The following CRACDL variants were observed in gnomAD, a reference collection of about 807,000 sequenced individuals.
The protein encoded by CRACDL is CRACD like, also known as CRACD-like protein.
In CRACDL, 26 loss-of-function variants were observed where a neutral mutation model predicts 70.6. The ratio of observed to expected loss-of-function variants is 0.37; its 90% CI spans 0.27 to 0.51. CRACDL has a LOEUF of 0.51. CRACDL is among the 20% of genes least tolerant of loss of function. The pLI, the probability that CRACDL is intolerant of heterozygous loss-of-function variation, is 0.94. For missense variants in CRACDL, 1,283 were observed against 1,376.9 expected (o/e 0.93, Z 1.08); for synonymous variants, 618 against 615.2 (o/e 1.00, Z -0.07).
intron 1 of CRACDL, among the ~76,000 whole-genome samples, chr2:98,857,822 T>C (rs1033613868): frequency 2.6e-5 from 4 of 152,136 alleles, no homozygotes; most frequent in African/African-American, 7.2e-5. Flanking sequence ...AGACCAAAGA[T>C]GTGTGTATGT....
chr2:98,912,627 C>T (rs1708571147), intron 1 of CRACDL: 1 of 152,372 alleles, frequency 6.6e-6, no homozygotes, highest in Admixed American at 6.5e-5. Flanking sequence ...AGGGTGCTGA[C>T]TCTCAGCCCC....
chr2:98,794,809 T>C (rs559608100), intron 9 of CRACDL, 138 bp from the exon 10 acceptor site: 10 of 642,552 alleles, frequency 1.6e-5, no homozygotes, highest in South Asian at 2.5e-5. Flanking sequence ...TATGTCAACA[T>C]GTAAGGAAGA....
At chr2:98,838,434 A>G (rs1336067741) in intron 2 of CRACDL, 147 bp from the exon 3 acceptor site, 3 of 515,834 alleles carry the variant, frequency 5.8e-6, no homozygotes, top group African/African-American at 3.9e-5. Flanking sequence ...TTACTTCGCA[A>G]AAGTACATGG....
At chr2:98,921,429 G>C (rs1708800071) in intron 1 of CRACDL, among the ~76,000 whole-genome samples, 1 of 152,266 alleles carries the variant, frequency 6.6e-6, no homozygotes, top group African/African-American at 2.4e-5. Context: ...CCCAGAGGCA[G>C]GCCTTGGGCT....
chr2:98,890,502 T>C (rs1707933633), intron 1 of CRACDL, among the ~76,000 whole-genome samples: 1 of 152,208 alleles, frequency 6.6e-6, no homozygotes, highest in Non-Finnish European at 1.5e-5. Flanking sequence ...ATTAAGACTT[T>C]TAAAACTTCC....
intron 7 of CRACDL, among the ~76,000 whole-genome samples, chr2:98,813,426 C>CT (rs938098668): frequency 2.0e-5 from 3 of 151,952 alleles, no homozygotes; most frequent in South Asian, 4.1e-4. Context: ...GAGCAAGACT[C>CT]TGTCTTAAAA....
rs1267916831 is a variant in CRACDL at position 98,822,317 on chromosome 2, C to T, written c.1956G>A (p.Lys652=). Residue 652 remains lysine (K), a synonymous_variant, in exon 7 of 10, where the codon AAG becomes AAA. Transcript: ENST00000397899. The surrounding 1 kb of genome is among the most constrained non-coding windows in gnomAD (Gnocchi z 4.9). ...GCGCGGCGGCCGCCTCCTGAGGGCT[C>T]TTGCGCGGCCCGGCCGGGCTGGCCG... ...DRAASPAGPR[K]SPQEAAAAPG... The T allele has an allele frequency of 1.4e-6, 2 of 1,475,180 alleles. No homozygotes were observed. The highest frequency in any genetic ancestry group is 1.5e-5 in the African/African-American group (1 of 68,182). The allele number at this position is 1,475,180 out of a possible 1,614,324, so 91.4% of individuals were successfully genotyped here.
At chr2:98,922,138 C>T (rs931160783) in intron 1 of CRACDL, among the ~76,000 whole-genome samples, 2 of 151,986 alleles carry the variant, frequency 1.3e-5, no homozygotes, top group Admixed American at 6.6e-5. Flanking sequence ...TATCTTCCAA[C>T]TAAAGAAATT....
At chr2:98,889,984 A>G (rs573379559) in intron 1 of CRACDL, among the ~76,000 whole-genome samples, 66 of 152,316 alleles carry the variant, frequency 4.3e-4, no homozygotes, top group African/African-American at 1.5e-3. Context: ...ACCACATACC[A>G]ATATTTATGG....
At chr2:98,916,222 T>C (rs558039655) in intron 1 of CRACDL, among the ~76,000 whole-genome samples, 1 of 152,244 alleles carries the variant, frequency 6.6e-6, no homozygotes, top group South Asian at 2.1e-4. Context: ...AATCACAAAA[T>C]AATCATGGGC....
At chr2:98,845,933 A>C (rs1706236790) in intron 2 of CRACDL, among the ~76,000 whole-genome samples, 1 of 152,230 alleles carries the variant, frequency 6.6e-6, no homozygotes, top group African/African-American at 2.4e-5. Flanking sequence ...TGCTGAAATT[A>C]GTATCTGAAG....
intron 7 of CRACDL, among the ~76,000 whole-genome samples, chr2:98,815,778 G>A (rs1410189262): frequency 6.6e-6 from 1 of 152,190 alleles, no homozygotes; most frequent in East Asian, 1.9e-4. Flanking sequence ...CTTCAGCAGG[G>A]GTGAGGGGTT....
At chr2:98,797,283 C>CAGGGA in intron 8 of CRACDL, 67 bp downstream of exon 8, 1 of 1,489,962 alleles carries the variant, frequency 6.7e-7, no homozygotes, top group Non-Finnish European at 9.3e-7. Flanking sequence ...CTTACAGGGT[C>CAGGGA]CTCGCCCCAG....
At chr2:98,796,082 G>T (rs1034451157) in intron 9 of CRACDL, 38 bp downstream of exon 9, 2 of 1,593,736 alleles carry the variant, frequency 1.3e-6, no homozygotes, top group African/African-American at 1.3e-5. Flanking sequence ...CCAGGAAAAT[G>T]ATTTCAAAGT....
chr2:98,827,540 T>A (rs1443410246), intron 5 of CRACDL, among the ~76,000 whole-genome samples: 1 of 152,216 alleles, frequency 6.6e-6, no homozygotes, highest in Non-Finnish European at 1.5e-5. Context: ...TCCGCCCGCC[T>A]TGGCCTCCCA....
intron 5 of CRACDL, among the ~76,000 whole-genome samples, chr2:98,827,599 A>C (rs1320389933): frequency 6.6e-6 from 1 of 152,152 alleles, no homozygotes; most frequent in African/African-American, 2.4e-5. Context: ...CAATACTTTC[A>C]ATTTGATTCT....
chr2:98,880,770 C>T lies in CRACDL; in HGVS notation c.-10-33960G>A, dbSNP rs377566345. ...AACCCAGACTTGCCCCAATGGGTCC[C>T]GAGGGAAGGCAGGTGTCGGGAGAGC... On this transcript the variant is annotated intron_variant, in intron 1 of 9. Coordinates refer to ENST00000397899, the MANE Select transcript of CRACDL (RefSeq NM_207362.3). Among the ~76,000 whole-genome samples the T allele has an allele frequency of 8.5e-5, 13 of 152,248 alleles. No homozygotes were observed. In the East Asian group the frequency reaches 1.7e-3, roughly 20 times the overall value.
chr2:98,824,258 G>A (rs1705214685), intron 6 of CRACDL, among the ~76,000 whole-genome samples: 1 of 152,008 alleles, frequency 6.6e-6, no homozygotes, highest in African/African-American at 2.4e-5. Flanking sequence ...CACTTGGTCT[G>A]AGTGACTGTC....
chr2:98,814,154 A>C (rs1299725420), intron 7 of CRACDL, among the ~76,000 whole-genome samples: 1 of 151,452 alleles, frequency 6.6e-6, no homozygotes. Flanking sequence ...TATTATTTTT[A>C]TATTTTCATT....
Sources: gnomAD v4.1 joint callset for allele counts (sites outside exome capture counted in the v4.1 genomes callset) on GRCh38, gnomAD v4.1.1 for gene constraint, Gnocchi (gnomAD v3.1) non-coding constraint, MANE v1.5 for transcripts, NCBI Gene and HGNC (gene_info 2026-07-23, HGNC 2026-07-21) for gene names.